The following FGF13 variants were observed in gnomAD, a reference collection of about 807,000 sequenced individuals.
The protein encoded by FGF13 is fibroblast growth factor 13.
FGF13 carries 2 observed loss-of-function variants against 19.5 expected under a neutral mutation model. The ratio of observed to expected loss-of-function variants is 0.10; its 90% confidence interval spans 0.04 to 0.32. The LOEUF (loss-of-function observed/expected upper bound fraction) is 0.32. FGF13 is among the 10% of genes least tolerant of loss of function. The pLI is 1.00. For missense variants in FGF13, 113 were observed against 192.7 expected, an observed-to-expected ratio of 0.59 and a Z score of 2.45; for synonymous variants, 72 against 76.9, an observed-to-expected ratio of 0.94 and a Z score of 0.33.
At position 138,617,422 on chromosome X, in the gene FGF13, A is replaced by T. The variant is rs2088978398; in HGVS notation, c.*15428T>A. 8.9e-6 allele frequency: 1 copy of T among 112,262 alleles called. No individual in the cohort carries two copies. The highest frequency in any genetic ancestry group is 1.9e-5 in the Non-Finnish European group (1 of 53,266). 9.3% of individuals were successfully genotyped at this position (112,262 alleles called of 1,213,427 possible). On this transcript the variant is annotated 3_prime_UTR_variant, in exon 5 of 5. Coordinates refer to ENST00000315930, the MANE Select transcript of FGF13 (RefSeq NM_004114.5). ...AAATACTTGGAAGTGAATATAATCA[A>T]CTAACTTGCAACCGTAAGTTGGAGA...
In FGF13 at chrX:138,643,815, T is replaced by A. The variant is rs184017745; in HGVS notation, c.403-8160A>T. On this transcript the variant is annotated intron_variant, in intron 3 of 4. Transcript: ENST00000315930. Reference sequence around the variant, plus strand: ...TATTAATTCAGTATATTGGTTTTTTTAATGGCAGTGTTGATCTATGTGTTT... The same window carrying A: ...TATTAATTCAGTATATTGGTTTTTTAAATGGCAGTGTTGATCTATGTGTTT... 5.0e-3 allele frequency among the ~76,000 whole-genome samples: 556 copies of A among 111,979 alleles called. 6 individuals carry two copies. The highest frequency in any genetic ancestry group is 0.017 in the African/African-American group (529 of 30,807).
At chrX:139,167,755 C>T (rs1047001114) in intron 1 of FGF13, among the ~76,000 whole-genome samples, 1 of 112,164 alleles carries the variant, frequency 8.9e-6, no homozygotes, top group African/African-American at 3.2e-5. Context: ...CATCAGCCCA[C>T]AAAGTCAGAC....
intron 1 of FGF13, among the ~76,000 whole-genome samples, chrX:138,919,845 C>T (rs1452333691): frequency 2.7e-5 from 3 of 109,727 alleles, no homozygotes; most frequent in African/African-American, 1.0e-4. Context: ...CAGAAAAACA[C>T]AAAGGGGCTC....
At chrX:139,175,375 T>G (rs1449924544) in intron 1 of FGF13, among the ~76,000 whole-genome samples, 2 of 112,394 alleles carry the variant, frequency 1.8e-5, no homozygotes, top group Non-Finnish European at 3.8e-5. Context: ...CCTCTCTTTC[T>G]ATTTAAATAT....
At position 138,799,464 on chromosome X, in the gene FGF13, C is replaced by T. The variant is rs758819598; in HGVS notation, c.217+58048G>A. On this transcript the variant is annotated intron_variant, in intron 3 of 6. Transcript: ENST00000436198. ...TTCCATTCTTTTGCATTTGCTGAAC[C>T]GTGTTTTATTTCCAATTATGTGGTC... is the stretch of plus-strand genomic sequence containing the variant. Among the ~76,000 whole-genome samples, 26 of 111,153 alleles carry T rather than the reference C, an allele frequency of 2.3e-4. 1 individual carries two copies. The highest frequency in any genetic ancestry group is 7.8e-4 in the African/African-American group (24 of 30,576).
intron 1 of FGF13, among the ~76,000 whole-genome samples, chrX:138,908,218 C>T (rs1054349628): frequency 9.3e-5 from 10 of 107,372 alleles, no homozygotes; most frequent in Non-Finnish European, 1.7e-4. Flanking sequence ...CAACAGGCAC[C>T]CGCCACTGCG....
At chrX:138,644,112 T>C (rs1334344784) in intron 3 of FGF13, among the ~76,000 whole-genome samples, 2 of 111,577 alleles carry the variant, frequency 1.8e-5, no homozygotes, top group Non-Finnish European at 3.8e-5. Context: ...GACTAAAAAT[T>C]CAAAGCTTAG....
chrX:138,911,466 G>A (rs1944892910), intron 1 of FGF13, among the ~76,000 whole-genome samples: 1 of 109,759 alleles, frequency 9.1e-6, no homozygotes, highest in Non-Finnish European at 1.9e-5. Context: ...CTACCAGAGA[G>A]TGGTGGGGGG....
At chrX:139,017,108 A>G (rs1168242132) in intron 1 of FGF13, among the ~76,000 whole-genome samples, 1 of 108,125 alleles carries the variant, frequency 9.2e-6, no homozygotes, top group Non-Finnish European at 1.9e-5. Context: ...ACACACACAT[A>G]TATGTAATGC....
rs2088991405 is a variant in FGF13 at position 138,618,924 on chromosome X, G to A, written c.*13926C>T. ...CTTAGTATCCCCAGTCAGGCTAACT[G>A]GTATAACTGTTTCTCTTCTGAAGCC... On this transcript the variant is annotated 3_prime_UTR_variant, in exon 5 of 5. Transcript: ENST00000315930. 9.0e-6 allele frequency: 1 copy of A among 111,215 alleles called. No homozygotes were observed. Among genetic ancestry groups the A allele is most frequent in the Admixed American group, 9.6e-5 (1 of 10,438 alleles). 9.2% of individuals were successfully genotyped at this position (111,215 alleles called of 1,213,427 possible).
At chrX:138,972,255 A>ATTTT (rs34661318) in intron 1 of FGF13, among the ~76,000 whole-genome samples, 6 of 96,997 alleles carry the variant, frequency 6.2e-5, no homozygotes, top group Non-Finnish European at 8.1e-5. Flanking sequence ...TGGTAGTTCT[A>ATTTT]TTTTTTTTTT....
At chrX:138,651,046 T>C (rs189612477) in intron 3 of FGF13, among the ~76,000 whole-genome samples, 115 of 111,511 alleles carry the variant, frequency 1.0e-3, no homozygotes, top group African/African-American at 3.4e-3. Flanking sequence ...CTGAAAACCA[T>C]AGGGAGGAGG....
In FGF13 at chrX:139,145,342, TG is replaced by T. The variant is rs2083879631; in HGVS notation, c.-113+58073del. Among the ~76,000 whole-genome samples, 4 of 111,918 alleles carry T rather than the reference TG, an allele frequency of 3.6e-5. No individual in the cohort carries two copies. The South Asian group carries it at 1.5e-3, about 42-fold the overall frequency. On this transcript the variant is annotated intron_variant, in intron 1 of 2. Transcript: ENST00000421460. ...CGAACAAGTATACTTTTGAGAGTGA[TG>T]GATGTTTTCATTACCTTGATTGTGG...
intron 1 of FGF13, among the ~76,000 whole-genome samples, chrX:139,135,576 A>G (rs2083793247): frequency 8.9e-6 from 1 of 111,908 alleles, no homozygotes; most frequent in Admixed American, 9.5e-5. Flanking sequence ...CTTGGTATCA[A>G]TGATCAGTGC....
intron 1 of FGF13, among the ~76,000 whole-genome samples, chrX:138,981,754 A>G (rs1285836932): frequency 9.0e-6 from 1 of 111,076 alleles, no homozygotes; most frequent in Non-Finnish European, 1.9e-5. Context: ...CTTGGTGGCC[A>G]TGCCATGAAG....
At chrX:138,861,315 C>T (rs1232373834) in intron 2 of FGF13, among the ~76,000 whole-genome samples, 1 of 112,147 alleles carries the variant, frequency 8.9e-6, no homozygotes, top group Non-Finnish European at 1.9e-5. Flanking sequence ...AAGAAAGAAC[C>T]AATCTTATAG....
At chrX:138,823,023 C>A (rs868500374) in intron 3 of FGF13, among the ~76,000 whole-genome samples, 1 of 111,156 alleles carries the variant, frequency 9.0e-6, no homozygotes, top group Non-Finnish European at 1.9e-5. Context: ...GAACATCATT[C>A]GAGGTGTTAT....
intron 1 of FGF13, among the ~76,000 whole-genome samples, chrX:139,002,429 T>C (rs180852645): frequency 2.7e-5 from 3 of 111,018 alleles, no homozygotes; most frequent in East Asian, 5.7e-4. Context: ...GTCAAAAAAA[T>C]AGAAAAGCAG....
chrX:138,912,669 A>G (rs2091594530), intron 1 of FGF13, among the ~76,000 whole-genome samples: 1 of 111,401 alleles, frequency 9.0e-6, no homozygotes, highest in Non-Finnish European at 1.9e-5. Flanking sequence ...CTACCCAGTT[A>G]TTTGCATTTT....
Sources: allele counts gnomAD v4.1 joint callset (sites outside exome capture counted in the v4.1 genomes callset), GRCh38; gene constraint gnomAD v4.1.1; transcripts MANE v1.5; gene names NCBI Gene and HGNC (gene_info 2026-07-23, HGNC 2026-07-21).